Variants in IGFBPL1 observed in about 807,000 individuals in gnomAD.
The protein encoded by IGFBPL1 is insulin like growth factor binding protein like 1.
In IGFBPL1, 20 loss-of-function variants were observed where a neutral mutation model predicts 23.9. The observed-to-expected ratio is 0.84, with a 90% CI of 0.59 to 1.22. The LOEUF (loss-of-function observed/expected upper bound fraction) is 1.22, where lower values mean the gene tolerates loss of function less well. Among genes scored for constraint, IGFBPL1 ranks in the 50% most tolerant of loss-of-function variants. The pLI is 0.00. For missense variants in IGFBPL1, 436 were observed against 379.3 expected, an observed-to-expected ratio of 1.15 and a Z score of -1.24; for synonymous variants, 184 against 171.8, an observed-to-expected ratio of 1.07 and a Z score of -0.56.
chr9:38,408,508 A>C lies in IGFBPL1; in HGVS notation c.*719T>G, dbSNP rs1821464642. Among the ~76,000 whole-genome samples, 1 of 152,206 alleles carries C rather than the reference A, an allele frequency of 6.6e-6. No individual in the cohort carries two copies. Among genetic ancestry groups the C allele is most frequent in the African/African-American group, 2.4e-5 (1 of 41,452 alleles). ...CAAAGACCCAGCCAAGGCGCTCCTGAGTCTGGTAAAGCATCCCACCTAAAA... is the reference window on the plus strand; with the variant it reads ...CAAAGACCCAGCCAAGGCGCTCCTGCGTCTGGTAAAGCATCCCACCTAAAA... On this transcript the variant is annotated 3_prime_UTR_variant, in exon 5 of 5. Transcript: ENST00000377694.
At chr9:38,419,196 A>G (rs1821639673) in intron 1 of IGFBPL1, among the ~76,000 whole-genome samples, 1 of 152,094 alleles carries the variant, frequency 6.6e-6, no homozygotes, top group African/African-American at 2.4e-5. Flanking sequence ...GAAAGAAAGG[A>G]TATCAAGTCA....
In IGFBPL1 at chr9:38,411,414, C is replaced by A. The variant is rs141451278; in HGVS notation, c.823G>T (p.Asp275Tyr). 2 of 1,610,416 alleles carry A rather than the reference C, an allele frequency of 1.2e-6. No individual in the cohort carries two copies. Among genetic ancestry groups the A allele is most frequent in the African/African-American group, 2.8e-5 (2 of 72,366 alleles). ...ACATTTCTCCATCACATGCGGTCAT[C>A]GGGAGCTGGGAAGTGGAAGCTCCTG... is the stretch of plus-strand genomic sequence containing the variant. The part of the protein sequence containing the change: ...KYRSFHFPAP[D>Y]DRM Residue 275 changes from aspartate (D) to tyrosine (Y), a missense_variant, in exon 4 of 5, where the codon GAT becomes TAT. By Grantham distance (160) the Asp-to-Tyr change is radical. Coordinates refer to ENST00000377694, the MANE Select transcript of IGFBPL1 (RefSeq NM_001007563.3).
intron 1 of IGFBPL1, among the ~76,000 whole-genome samples, chr9:38,419,567 C>T (rs1054814833): frequency 6.6e-6 from 1 of 152,208 alleles, no homozygotes; most frequent in East Asian, 1.9e-4. Context: ...GGCTCAATGC[C>T]CTGGCGGGTG....
rs1225508144 is a variant in IGFBPL1, at chr9:38,408,086, C to A, written c.*1141G>T. 6.6e-6 allele frequency among the ~76,000 whole-genome samples: 1 copy of A among 151,776 alleles called. No homozygotes were observed. Among genetic ancestry groups the A allele is most frequent in the Non-Finnish European group, 1.5e-5 (1 of 67,960 alleles). ...TTTTTACAATTTGATCGTCAGAAGC[C>A]TGGTATCCACCGCTTCTAACCACCT... On this transcript the variant is annotated 3_prime_UTR_variant, in exon 5 of 5. Transcript: ENST00000377694.
chr9:38,417,490 T>C (rs1352783935), intron 1 of IGFBPL1, among the ~76,000 whole-genome samples: 1 of 152,126 alleles, frequency 6.6e-6, no homozygotes, highest in Non-Finnish European at 1.5e-5. Flanking sequence ...AAGTGGAACA[T>C]TTGTTATCTG....
In IGFBPL1 at chr9:38,423,653, C is replaced by A. The variant is rs918034493; in HGVS notation, c.460+312G>T. Among the ~76,000 whole-genome samples, 18 of 152,128 alleles carry A rather than the reference C, an allele frequency of 1.2e-4. 1 individual carries two copies. Among genetic ancestry groups the A allele is most frequent in the African/African-American group, 4.3e-4 (18 of 41,430 alleles). ...CTGGATACCTGGGAACTCGGATCCCCCTCCTTAACTCCCAGTCTCCTGCTG... is the reference window on the plus strand; with the variant it reads ...CTGGATACCTGGGAACTCGGATCCCACTCCTTAACTCCCAGTCTCCTGCTG... On this transcript the variant is annotated intron_variant, in intron 1 of 4. Coordinates refer to ENST00000377694, the MANE Select transcript of IGFBPL1 (RefSeq NM_001007563.3).
rs1043553382 is a variant in IGFBPL1 at position 38,417,060 on chromosome 9, T to A, written c.461-2857A>T. Among the ~76,000 whole-genome samples the A allele has an allele frequency of 3.3e-5, 5 of 152,166 alleles. No homozygotes were observed. The East Asian group carries it at 9.6e-4, about 29-fold the overall frequency. On this transcript the variant is annotated intron_variant, in intron 1 of 4. Transcript: ENST00000377694. ...TTTTATCCACAGTAGCTCTTTATAATCAATAATAATAACACTGTTATTATG... is the reference window on the plus strand; with the variant it reads ...TTTTATCCACAGTAGCTCTTTATAAACAATAATAATAACACTGTTATTATG...
intron 4 of IGFBPL1, among the ~76,000 whole-genome samples, chr9:38,410,358 C>CT (rs1283404496): frequency 6.6e-6 from 1 of 152,018 alleles, no homozygotes; most frequent in African/African-American, 2.4e-5. Flanking sequence ...TGGCGGGTGC[C>CT]TGTAGTCCCA....
At chr9:38,414,060 C>T in intron 2 of IGFBPL1, 34 bp downstream of exon 2, 3 of 1,240,990 alleles carry the variant, frequency 2.4e-6, no homozygotes, top group Non-Finnish European at 3.6e-6. Flanking sequence ...CACACACACA[C>T]ACACGAGATG....
intron 1 of IGFBPL1, among the ~76,000 whole-genome samples, chr9:38,421,276 C>A (rs1458675527): frequency 2.4e-5 from 3 of 127,098 alleles, no homozygotes; most frequent in Non-Finnish European, 4.9e-5. Context: ...TACAGTGAGA[C>A]CCTGTCTCAA....
chr9:38,410,706 G>C (rs543041487), intron 4 of IGFBPL1, among the ~76,000 whole-genome samples: 1 of 152,296 alleles, frequency 6.6e-6, no homozygotes, highest in South Asian at 2.1e-4. Flanking sequence ...CAACGTCTGT[G>C]GCTGTGAACC....
chr9:38,407,031 C>T lies in IGFBPL1; in HGVS notation c.*2196G>A, dbSNP rs1821438698. Among the ~76,000 whole-genome samples, 1 of 152,136 alleles carries T rather than the reference C, an allele frequency of 6.6e-6. No individual in the cohort carries two copies. On this transcript the variant is annotated 3_prime_UTR_variant, in exon 5 of 5. Transcript: ENST00000377694. ...ATTCCTGTTCCTTCCCACATCATTT[C>T]ACTAAGGGTCTGACCAACTCATCTC...
chr9:38,419,383 G>T (rs1457336845), intron 1 of IGFBPL1, among the ~76,000 whole-genome samples: 1 of 152,142 alleles, frequency 6.6e-6, no homozygotes, highest in African/African-American at 2.4e-5. Flanking sequence ...AGCATGAAAG[G>T]GTTTTGAGCA....
At chr9:38,410,210 C>T (rs7848359) in intron 4 of IGFBPL1, among the ~76,000 whole-genome samples, 33,838 of 152,120 alleles carry the variant, frequency 0.22, 3,928 homozygotes, top group South Asian at 0.25. Context: ...AGGCCAGGCA[C>T]GGTGGCTCAC....
In IGFBPL1 at chr9:38,423,978, G is replaced by T; in HGVS notation, c.447C>A (p.Gly149=). 7.1e-7 allele frequency: 1 copy of T among 1,404,144 alleles called. No individual in the cohort carries two copies. The highest frequency in any genetic ancestry group is 1.6e-5 in the South Asian group (1 of 64,286). 87.0% of individuals were successfully genotyped at this position (1,404,144 alleles called of 1,614,324 possible). The part of the protein sequence containing the change: ...HPGHLHKARD[G]PCEFAPVVVV... ...ACCCTGACTCACCGAACTCGCAAGG[G>T]CCGTCGCGCGCCTTGTGCAGGTGAC... Residue 149 remains glycine (G), a synonymous_variant, in exon 1 of 5, where the codon GGC becomes GGA. Transcript: ENST00000377694.
chr9:38,406,738 C>T lies in IGFBPL1; in HGVS notation c.*2489G>A, dbSNP rs1383781950. ...TGAAAAACCATGAGGTTGGAACAATCATGTTAATGCGCCTTTTTGGTTTTG... is the reference window on the plus strand; with the variant it reads ...TGAAAAACCATGAGGTTGGAACAATTATGTTAATGCGCCTTTTTGGTTTTG... On this transcript the variant is annotated 3_prime_UTR_variant, in exon 5 of 5. Coordinates refer to ENST00000377694, the MANE Select transcript of IGFBPL1 (RefSeq NM_001007563.3). Among the ~76,000 whole-genome samples the T allele has an allele frequency of 6.6e-6, 1 of 152,158 alleles. No individual in the cohort carries two copies. Among genetic ancestry groups the T allele is most frequent in the East Asian group, 1.9e-4 (1 of 5,196 alleles).
At chr9:38,419,589 C>A (rs1029856424) in intron 1 of IGFBPL1, among the ~76,000 whole-genome samples, 3 of 152,058 alleles carry the variant, frequency 2.0e-5, no homozygotes, top group African/African-American at 7.2e-5. Flanking sequence ...TGGCCGGGAC[C>A]CTGTTCCTAT....
intron 1 of IGFBPL1, among the ~76,000 whole-genome samples, chr9:38,415,023 T>C (rs1046086871): frequency 1.3e-5 from 2 of 152,170 alleles, no homozygotes; most frequent in African/African-American, 4.8e-5. Context: ...GGACAGCAAC[T>C]CAGCCACCCT....
At position 38,413,357 on chromosome 9, in the gene IGFBPL1, CA is replaced by C. The variant is rs1255131620; in HGVS notation, c.571-5del. ...TGCCCTCAGGGGACTTCGTGACCTA[CA>C]GGGGACAGGAATGCCAGGAGGGGGC... On this transcript the variant is annotated splice_region_variant and splice_polypyrimidine_tract_variant and intron_variant, in intron 2 of 4. Coordinates refer to ENST00000377694, the MANE Select transcript of IGFBPL1 (RefSeq NM_001007563.3). The C allele has an allele frequency of 6.3e-7, 1 of 1,590,114 alleles. No individual in the cohort carries two copies. Among genetic ancestry groups the C allele is most frequent in the East Asian group, 2.2e-5 (1 of 44,760 alleles).
Sources: allele counts gnomAD v4.1 joint callset (sites outside exome capture counted in the v4.1 genomes callset), GRCh38; gene constraint gnomAD v4.1.1; transcripts MANE v1.5; gene names NCBI Gene and HGNC (gene_info 2026-07-23, HGNC 2026-07-21).